The following TMOD1 variants were observed in gnomAD, a reference collection of about 807,000 sequenced individuals.
The protein encoded by TMOD1 is tropomodulin-1.
TMOD1 carries 17 observed loss-of-function variants against 40.6 expected under a neutral mutation model. The ratio of observed to expected loss-of-function variants is 0.42; its 90% CI spans 0.29 to 0.63. TMOD1 has a LOEUF of 0.63. Among genes scored for constraint, TMOD1 ranks in the 20% least tolerant of loss-of-function variants. TMOD1 has a pLI of 0.22. For synonymous variants in TMOD1, 181 were observed against 175.0 expected (o/e 1.03, Z -0.27); for missense variants, 391 against 447.6 (o/e 0.87, Z 1.14).
upstream of TMOD1, chr9:97,501,202 G>T (rs1241092247): frequency 1.3e-5 from 2 of 152,206 alleles, no homozygotes; most frequent in African/African-American, 2.4e-5. Flanking sequence ...CGCGGTTAAA[G>T]CTTGCGGCTC....
chr9:97,541,460 A>G (rs1830273984), intron 2 of TMOD1, among the ~76,000 whole-genome samples: 1 of 150,832 alleles, frequency 6.6e-6, no homozygotes, highest in Non-Finnish European at 1.5e-5. Context: ...AAGTGCTGAG[A>G]TTACAGGCAT....
intron 2 of TMOD1, among the ~76,000 whole-genome samples, chr9:97,542,928 G>A (rs1169790782): frequency 6.6e-6 from 1 of 152,054 alleles, no homozygotes; most frequent in Non-Finnish European, 1.5e-5. Flanking sequence ...ACAACTGGGG[G>A]CAGTGCTACT....
chr9:97,571,106 T>TG (rs1365041415), intron 8 of TMOD1, among the ~76,000 whole-genome samples: 1 of 152,198 alleles, frequency 6.6e-6, no homozygotes, highest in Non-Finnish European at 1.5e-5. Context: ...GCAGCAGGCT[T>TG]GGCAGTGGCC....
At chr9:97,512,301 T>C (rs1239333166) in intron 1 of TMOD1, among the ~76,000 whole-genome samples, 3 of 152,258 alleles carry the variant, frequency 2.0e-5, no homozygotes, top group Non-Finnish European at 2.9e-5. Context: ...CAGCTGGAAC[T>C]ATCATACATT....
intron 7 of TMOD1, among the ~76,000 whole-genome samples, chr9:97,566,564 G>A (rs1034648112): frequency 3.7e-4 from 56 of 152,022 alleles, no homozygotes; most frequent in African/African-American, 1.3e-3. Flanking sequence ...CCAGCTACTC[G>A]GGAGGCTGAA....
At chr9:97,519,968 A>G (rs1829889914) in intron 1 of TMOD1, among the ~76,000 whole-genome samples, 1 of 152,114 alleles carries the variant, frequency 6.6e-6, no homozygotes. Context: ...GAGTACGGTT[A>G]GCCTCTCACT....
At chr9:97,547,190 C>T (rs1392726439) in intron 3 of TMOD1, among the ~76,000 whole-genome samples, 6 of 152,078 alleles carry the variant, frequency 3.9e-5, no homozygotes, top group Non-Finnish European at 7.4e-5. Context: ...TAAGACTTCC[C>T]GTTGCTCTCC....
rs569814795 is a variant in TMOD1, at chr9:97,513,679, C to T, written c.-48-10462C>T. On this transcript the variant is annotated intron_variant, in intron 1 of 9. Coordinates refer to ENST00000259365, the MANE Select transcript of TMOD1 (RefSeq NM_003275.4). The surrounding 1 kb of genome is among the most constrained non-coding windows in gnomAD (Gnocchi z 4.1). Reference sequence around the variant, plus strand: ...GCATGCCCTCCCCATAGTGGGTACCCAGTAAATACTCACCCAGTGAATTAG... The same window carrying T: ...GCATGCCCTCCCCATAGTGGGTACCTAGTAAATACTCACCCAGTGAATTAG... The T allele has an allele frequency of 6.6e-6, 1 of 152,306 alleles. No homozygotes were observed. Among genetic ancestry groups the T allele is most frequent in the African/African-American group, 2.4e-5 (1 of 41,564 alleles). The allele number at this position is 152,306 out of a possible 1,614,324, so 9.4% of individuals were successfully genotyped here.
chr9:97,518,292 G>A (rs965075134), intron 1 of TMOD1, among the ~76,000 whole-genome samples: 5 of 152,238 alleles, frequency 3.3e-5, no homozygotes, highest in Non-Finnish European at 5.9e-5. Flanking sequence ...GAAAAAAACA[G>A]GGAAAGGAGC....
At chr9:97,515,721 C>T (rs1300803637) in intron 1 of TMOD1, among the ~76,000 whole-genome samples, 3 of 152,072 alleles carry the variant, frequency 2.0e-5, no homozygotes. Context: ...GAAGCCTCAG[C>T]TATTTTACAC....
At chr9:97,501,519 T>G (rs1428442963), upstream of TMOD1, 2 of 149,022 alleles carry the variant, frequency 1.3e-5, no homozygotes, top group Non-Finnish European at 3.0e-5. Context: ...GACGGGGAAG[T>G]GCGCTGCGCC....
At chr9:97,598,388 C>T (rs1369598966) in intron 9 of TMOD1, among the ~76,000 whole-genome samples, 1 of 147,484 alleles carries the variant, frequency 6.8e-6, no homozygotes, top group Non-Finnish European at 1.5e-5. Flanking sequence ...TTGCTTTAAG[C>T]AAGAAATATA....
At chr9:97,546,458 C>G (rs1019755779) in intron 3 of TMOD1, 117 bp downstream of exon 3, 103 of 1,104,570 alleles carry the variant, frequency 9.3e-5, no homozygotes, top group Non-Finnish European at 1.2e-4. Context: ...CCTCCTTGTC[C>G]TCATCCCTGC....
intron 8 of TMOD1, among the ~76,000 whole-genome samples, chr9:97,579,922 G>A (rs539705753): frequency 6.6e-6 from 1 of 152,280 alleles, no homozygotes; most frequent in African/African-American, 2.4e-5. Context: ...ATACTTACAG[G>A]GAGGCTAAAA....
Position 97,513,142 on chromosome 9 carries a change from C to T in TMOD1, c.-48-10999C>T, listed in dbSNP as rs1052270. ...TGATTTATGCTGGGTCTACAGTCACCGGAGAGCCCCACATCTTTCTCATGG... is the reference window on the plus strand; with the variant it reads ...TGATTTATGCTGGGTCTACAGTCACTGGAGAGCCCCACATCTTTCTCATGG... On this transcript the variant is annotated intron_variant, in intron 1 of 9. Coordinates refer to ENST00000259365, the MANE Select transcript of TMOD1 (RefSeq NM_003275.4). This position sits in a 1 kb window ranked among gnomAD's most constrained non-coding sequence, Gnocchi z 4.1. 80,316 of 152,018 alleles carry T rather than the reference C, an allele frequency of 0.53. 21,671 individuals carry two copies. Among genetic ancestry groups the T allele is most frequent in the Middle Eastern group, 0.63 (184 of 294 alleles). 9.4% of individuals were successfully genotyped at this position (152,018 alleles called of 1,614,324 possible). A position where few individuals can be genotyped will look rare whatever the true frequency, so the allele number is the denominator to read the frequency against.
chr9:97,562,654 C>T (rs1251554759), intron 4 of TMOD1, 78 bp from the exon 5 acceptor site: 21 of 1,046,058 alleles, frequency 2.0e-5, no homozygotes, highest in Admixed American at 1.8e-4. Flanking sequence ...CCAGAGTTCC[C>T]GGGGTTTGGA....
chr9:97,586,747 G>T (rs1825882236), intron 8 of TMOD1, among the ~76,000 whole-genome samples: 2 of 148,976 alleles, frequency 1.3e-5, no homozygotes, highest in Admixed American at 1.3e-4. Flanking sequence ...CGCAGTATTC[G>T]GGTGGGAGTG....
intron 9 of TMOD1, 87 bp from the exon 10 acceptor site, chr9:97,599,547 G>A (rs761083649): frequency 3.6e-5 from 55 of 1,547,644 alleles, no homozygotes; most frequent in African/African-American, 3.4e-4. Flanking sequence ...CAATTAGTGC[G>A]AGGTTTCACA....
rs141382126 is a variant in TMOD1, at chr9:97,528,040, T to G, written c.120+3732T>G. On this transcript the variant is annotated intron_variant, in intron 2 of 9. Transcript: ENST00000259365. Reference sequence around the variant, plus strand: ...AAAATACATCCACCAGCAACTGCATTCTGTTTCACCCCCAAACTGGCAAAG... The same window carrying G: ...AAAATACATCCACCAGCAACTGCATGCTGTTTCACCCCCAAACTGGCAAAG... Among the ~76,000 whole-genome samples the G allele has an allele frequency of 1.6e-4, 24 of 152,210 alleles. No individual in the cohort carries two copies. The East Asian group carries it at 3.9e-3, about 25-fold the overall frequency.
Sources: allele counts gnomAD v4.1 joint callset (sites outside exome capture counted in the v4.1 genomes callset), GRCh38; gene constraint gnomAD v4.1.1; non-coding constraint Gnocchi (gnomAD v3.1); transcripts MANE v1.5; gene names NCBI Gene and HGNC (gene_info 2026-07-23, HGNC 2026-07-21).